Variants in WDR91 observed in about 807,000 individuals in gnomAD.
The protein encoded by WDR91 is WD repeat-containing protein 91.
Under a neutral mutation model 88.4 loss-of-function variants are expected in WDR91, and 52 were observed. That is an observed-to-expected ratio of 0.59 (90% CI 0.47 to 0.74). The LOEUF (loss-of-function observed/expected upper bound fraction) is 0.74. Ranked by LOEUF, WDR91 falls within the 30% of genes least tolerant of loss-of-function variation. The pLI, the probability that WDR91 is intolerant of heterozygous loss-of-function variation, is 0.00. For synonymous variants in WDR91, 362 were observed against 389.5 expected, an observed-to-expected ratio of 0.93 and a Z score of 0.83; for missense variants, 824 against 954.5, an observed-to-expected ratio of 0.86 and a Z score of 1.80.
chr7:135,185,388 G>GA lies in WDR91; in HGVS notation c.*762dup, dbSNP rs1585396214. The GA allele has an allele frequency of 6.6e-6, 1 of 152,266 alleles. No homozygotes were observed. The highest frequency in any genetic ancestry group is 2.4e-5 in the African/African-American group (1 of 41,554). 9.4% of individuals were successfully genotyped at this position (152,266 alleles called of 1,614,324 possible). On this transcript the variant is annotated 3_prime_UTR_variant, in exon 15 of 15. Coordinates refer to ENST00000354475, the MANE Select transcript of WDR91 (RefSeq NM_014149.4). ...TATATATGCAAATATTCCAAAGTCT[G>GA]AAAAAATCCAAAATCTGTAACACTC... is the stretch of plus-strand genomic sequence containing the variant.
chr7:135,186,442 C>T, intron 14 of WDR91, 127 bp from the exon 15 acceptor site: 2 of 1,062,012 alleles, frequency 1.9e-6, no homozygotes, highest in Non-Finnish European at 2.7e-6. Context: ...TCCAGAAAGT[C>T]TGTTTAACTT....
At chr7:135,186,927 T>G in intron 14 of WDR91, 45 bp downstream of exon 14, 1 of 1,609,906 alleles carries the variant, frequency 6.2e-7, no homozygotes, top group Non-Finnish European at 8.5e-7. Flanking sequence ...GAGGAACCCC[T>G]GCCCACCACA....
intron 2 of WDR91, among the ~76,000 whole-genome samples, chr7:135,209,342 C>T (rs1219040701): frequency 6.6e-6 from 1 of 152,096 alleles, no homozygotes; most frequent in African/African-American, 2.4e-5. Context: ...TTGTTTTAAG[C>T]TTACATGCTT....
Position 135,209,003 on chromosome 7 carries a change from C to A in WDR91, c.304-5G>T. The A allele has an allele frequency of 6.2e-7, 1 of 1,612,386 alleles. No individual in the cohort carries two copies. Among genetic ancestry groups the A allele is most frequent in the Non-Finnish European group, 8.5e-7 (1 of 1,178,952 alleles). Reference sequence around the variant, plus strand: ...AGCCTTGTCATTTCTGTTTGTCTGCCAAGACACAAGGAGGTAGCAAGGAGG... The same window carrying A: ...AGCCTTGTCATTTCTGTTTGTCTGCAAAGACACAAGGAGGTAGCAAGGAGG... On this transcript the variant is annotated splice_polypyrimidine_tract_variant and splice_region_variant and intron_variant, in intron 2 of 14. Transcript: ENST00000354475.
In WDR91 at chr7:135,204,366, G is replaced by A; in HGVS notation, c.793C>T (p.Leu265=). ...GGGCTCTTCTTACTCTGAGGCAGCA[G>A]CGAGGACAGGAAGCCCACACGAGGT... ...QSPRVGFLSS[L]LPQSKKSPSR... Residue 265 remains leucine (L), a synonymous_variant, in exon 6 of 15, where the codon CTG becomes TTG. Coordinates refer to ENST00000354475, the MANE Select transcript of WDR91 (RefSeq NM_014149.4). The A allele has an allele frequency of 6.2e-7, 1 of 1,614,236 alleles. No individual in the cohort carries two copies. Among genetic ancestry groups the A allele is most frequent in the Non-Finnish European group, 8.5e-7 (1 of 1,180,038 alleles).
intron 1 of WDR91, 128 bp downstream of exon 1, chr7:135,211,252 G>A: frequency 3.6e-6 from 5 of 1,402,036 alleles, no homozygotes; most frequent in Non-Finnish European, 4.7e-6. Context: ...GGTCGGACGC[G>A]CTGAGGTCTC....
chr7:135,209,699 G>T lies in WDR91; in HGVS notation c.180C>A (p.Ala60=), dbSNP rs780370058. 7.4e-6 allele frequency: 12 copies of T among 1,613,312 alleles called. No individual in the cohort carries two copies. In the East Asian group the frequency reaches 2.5e-4, roughly 33 times the overall value. ...CCAAGTAGCTCCAATAATCCCGAAGGGCAGCCAAGTCATACACCTGCATTA... is the reference window on the plus strand; with the variant it reads ...CCAAGTAGCTCCAATAATCCCGAAGTGCAGCCAAGTCATACACCTGCATTA... ...QQLMQVYDLA[A]LRDYWSYLER... Residue 60 remains alanine (A), a synonymous_variant, in exon 2 of 15, where the codon GCC becomes GCA. Transcript: ENST00000354475.
intron 11 of WDR91, among the ~76,000 whole-genome samples, chr7:135,190,671 A>AT (rs1831130367): frequency 7.3e-6 from 1 of 136,218 alleles, no homozygotes; most frequent in Non-Finnish European, 1.7e-5. Context: ...ACGACAAAGC[A>AT]GGTTTTAAAA....
chr7:135,211,436 G>A lies in WDR91; in HGVS notation c.67C>T (p.His23Tyr), dbSNP rs1217555251. 3.7e-6 allele frequency: 6 copies of A among 1,612,402 alleles called. No individual in the cohort carries two copies. In the African/African-American group the frequency reaches 5.4e-5, roughly 14 times the overall value. ...TCGGCGTCCAGCTGCCGCAGTGTGT[G>A]CGTGAACCCGCGGAAGAGCAGGTAC... ...REYLLFRGFT[H>Y]TLRQLDAEIK... The change falls in exon 1 of 15, where the codon CAC (histidine) becomes TAC (tyrosine). Residue 23 changes from histidine (H) to tyrosine (Y), a missense_variant. Transcript: ENST00000354475.
chr7:135,199,089 G>A (rs562416842), intron 6 of WDR91: 1 of 152,328 alleles, frequency 6.6e-6, no homozygotes, highest in East Asian at 1.9e-4. Context: ...CCTAAGTGAA[G>A]AGAAGAAACT....
chr7:135,198,207 A>AG (rs1159926727), intron 6 of WDR91, 56 bp from the exon 7 acceptor site: 1 of 1,575,404 alleles, frequency 6.3e-7, no homozygotes, highest in Non-Finnish European at 8.6e-7. Context: ...GGCCATGATA[A>AG]GCATGCCAGG....
At chr7:135,186,671 T>C (rs292556) in intron 14 of WDR91, among the ~76,000 whole-genome samples, 105,063 of 151,810 alleles carry the variant, frequency 0.69, 37,100 homozygotes, top group Admixed American at 0.81. Flanking sequence ...TGAAGGTTCA[T>C]GTCCCATACT....
At position 135,187,058 on chromosome 7, in the gene WDR91, G is replaced by C; in HGVS notation, c.1993C>G (p.Gln665Glu). The stretch of plus-strand genomic sequence containing the variant: ...GCGAAGAGTCGGCCCCTGGGGACTT[G>C]AACCTGCTTGTAGCCGCTGTATCCA... ...LSGYSGYKQV[Q>E]VPRGRLFAFD... The change falls in exon 14 of 15, where the codon CAA (glutamine) becomes GAA (glutamate). Residue 665 changes from glutamine to glutamate, a missense_variant. Gln to Glu is a conservative substitution (Grantham distance 29, BLOSUM62 2). Transcript: ENST00000354475. The C allele has an allele frequency of 6.2e-7, 1 of 1,614,260 alleles. No individual in the cohort carries two copies. Among genetic ancestry groups the C allele is most frequent in the East Asian group, 2.2e-5 (1 of 44,892 alleles).
intron 6 of WDR91, among the ~76,000 whole-genome samples, chr7:135,200,603 A>G (rs1368110486): frequency 1.3e-5 from 2 of 152,248 alleles, no homozygotes; most frequent in African/African-American, 2.4e-5. Flanking sequence ...CAGATGAAAT[A>G]ACTGTTCATT....
intron 4 of WDR91, among the ~76,000 whole-genome samples, chr7:135,206,343 C>A (rs1348551551): frequency 6.6e-6 from 1 of 152,060 alleles, no homozygotes; most frequent in Non-Finnish European, 1.5e-5. Context: ...TAGCTCCACC[C>A]AACCTGTTTT....
At position 135,186,985 on chromosome 7, in the gene WDR91, C is replaced by T; in HGVS notation, c.2066G>A (p.Gly689Asp). ...NYMLTCSATG[G>D]VIYKLGGDEK... ...ACCATCAGTTACCTTGTAGATGACGCCGCCTGTGGCAGAACATGTCAGCAT... is the reference window on the plus strand; with the variant it reads ...ACCATCAGTTACCTTGTAGATGACGTCGCCTGTGGCAGAACATGTCAGCAT... The change falls in exon 14 of 15, where the codon GGC becomes GAC. Residue 689 changes from glycine (G) to aspartate (D), a missense_variant. By Grantham distance (94) the Gly-to-Asp change is moderately conservative. Coordinates refer to ENST00000354475, the MANE Select transcript of WDR91 (RefSeq NM_014149.4). 2 of 1,613,872 alleles carry T rather than the reference C, an allele frequency of 1.2e-6. No individual in the cohort carries two copies. The highest frequency in any genetic ancestry group is 1.7e-6 in the Non-Finnish European group (2 of 1,180,048).
rs1179960831 is a variant in WDR91, at chr7:135,186,236, C to G, written c.2159G>C (p.Ser720Thr). 1 of 1,611,610 alleles carries G rather than the reference C, an allele frequency of 6.2e-7. No homozygotes were observed. Among genetic ancestry groups the G allele is most frequent in the Admixed American group, 1.7e-5 (1 of 59,544 alleles). The change falls in exon 15 of 15, where the codon AGC becomes ACC. Residue 720 changes from serine to threonine, a missense_variant. By Grantham distance (58) the Ser-to-Thr change is moderately conservative. Coordinates refer to ENST00000354475, the MANE Select transcript of WDR91 (RefSeq NM_014149.4). ...HRAPVVTVDW[S>T]TAMDCGTCLT... ...GCAGGTCCCACAGTCCATGGCAGTG[C>G]TCCAGTCCACGGTGACCACAGGGGC...
At position 135,204,254 on chromosome 7, in the gene WDR91, G is replaced by A; in HGVS notation, c.891+14C>T. Reference sequence around the variant, plus strand: ...CTTCTTGGCCAGAGTTAGAGAGGCAGGACTTGTGCTTACCTGACCACCGAA... The same window carrying A: ...CTTCTTGGCCAGAGTTAGAGAGGCAAGACTTGTGCTTACCTGACCACCGAA... On this transcript the variant is annotated intron_variant, in intron 6 of 14. Coordinates refer to ENST00000354475, the MANE Select transcript of WDR91 (RefSeq NM_014149.4). 6.2e-7 allele frequency: 1 copy of A among 1,613,092 alleles called. No homozygotes were observed.
intron 11 of WDR91, 113 bp downstream of exon 11, chr7:135,193,118 T>G (rs1831230309): frequency 4.1e-6 from 6 of 1,452,606 alleles, no homozygotes; most frequent in Non-Finnish European, 5.5e-6. Flanking sequence ...ACTCAAAACT[T>G]TATTAAAAAT....
Sources: gnomAD v4.1 joint callset for allele counts (sites outside exome capture counted in the v4.1 genomes callset) on GRCh38, gnomAD v4.1.1 for gene constraint, MANE v1.5 for transcripts, NCBI Gene and HGNC (gene_info 2026-07-23, HGNC 2026-07-21) for gene names.